The following SMAP2 variants were observed in gnomAD, a reference collection of about 807,000 sequenced individuals.
SMAP2 encodes small ArfGAP2, also known as stromal membrane-associated protein 2.
SMAP2 carries 25 observed loss-of-function variants against 56.4 expected under a neutral mutation model. That is an observed-to-expected ratio of 0.44 (90% CI 0.32 to 0.62). The LOEUF is 0.62. Among genes scored for constraint, SMAP2 ranks in the 20% least tolerant of loss-of-function variants. The probability of loss-of-function intolerance (pLI) is 0.04; values close to 1 mark genes in which losing one functional copy is unlikely to be tolerated. For synonymous variants in SMAP2, 157 were observed against 181.7 expected (o/e 0.86, Z 1.09); for missense variants, 388 against 545.6 (o/e 0.71, Z 2.88).
chr1:40,408,620 C>A lies in SMAP2; in HGVS notation c.238-33C>A. 1 of 1,574,756 alleles carries A rather than the reference C, an allele frequency of 6.4e-7. No individual in the cohort carries two copies. The highest frequency in any genetic ancestry group is 2.2e-5 in the East Asian group (1 of 44,654). On this transcript the variant is annotated intron_variant, in intron 2 of 9. Transcript: ENST00000372718. The surrounding 1 kb of genome is among the most constrained non-coding windows in gnomAD (Gnocchi z 4.3). The stretch of plus-strand genomic sequence containing the variant: ...GTTTTTCAGTTCTTTCTTGATCTGA[C>A]GTTCCATGTTTCTACATTCTCTTTG...
At chr1:40,362,058 C>T (rs1453332388) in intron 1 of SMAP2, among the ~76,000 whole-genome samples, 1 of 152,070 alleles carries the variant, frequency 6.6e-6, no homozygotes, top group African/African-American at 2.4e-5. Context: ...TGGCTGTTGC[C>T]CTCAAAGCCT....
Position 40,406,843 on chromosome 1 carries a change from G to T in SMAP2, c.211G>T (p.Asp71Tyr). ...HISRVKSVNL[D>Y]QWTQEQIQCM... ...ATCCAGGGTAAAGTCAGTTAACCTC[G>T]ACCAGTGGACTCAAGAACAGATTCA... Residue 71 changes from aspartate to tyrosine, a missense_variant, in exon 2 of 10, where the codon GAC becomes TAC. Coordinates refer to ENST00000372718, the MANE Select transcript of SMAP2 (RefSeq NM_022733.3). The T allele has an allele frequency of 6.2e-7, 1 of 1,613,898 alleles. No homozygotes were observed. Among genetic ancestry groups the T allele is most frequent in the South Asian group, 1.1e-5 (1 of 91,064 alleles).
chr1:40,360,794 G>A, intron 1 of SMAP2, among the ~76,000 whole-genome samples: 1 of 152,208 alleles, frequency 6.6e-6, no homozygotes, highest in Non-Finnish European at 1.5e-5. Flanking sequence ...TCCACAGGGA[G>A]CATTTAGATC....
chr1:40,351,272 G>A (rs566280930), intron 1 of SMAP2, among the ~76,000 whole-genome samples: 2 of 152,228 alleles, frequency 1.3e-5, no homozygotes, highest in African/African-American at 4.8e-5. Flanking sequence ...TGACAAGGAG[G>A]GGAAAAGGAG....
chr1:40,405,143 A>G (rs1022158738), intron 1 of SMAP2, among the ~76,000 whole-genome samples: 1 of 152,190 alleles, frequency 6.6e-6, no homozygotes. Flanking sequence ...AATTTCTAAA[A>G]CTAATTTTCT....
chr1:40,377,861 G>C (rs899956945), intron 1 of SMAP2, among the ~76,000 whole-genome samples: 1 of 152,120 alleles, frequency 6.6e-6, no homozygotes, highest in African/African-American at 2.4e-5. Context: ...GTATCCAGGG[G>C]GGATTGGTTC....
chr1:40,348,471 G>A (rs956295897), intron 1 of SMAP2, among the ~76,000 whole-genome samples: 1 of 152,042 alleles, frequency 6.6e-6, no homozygotes, highest in African/African-American at 2.4e-5. Context: ...GAGGTGGGTG[G>A]ATCACCTGAG....
rs1644519010 is a variant in SMAP2 at position 40,374,189 on chromosome 1, G to A, written c.69G>A (p.Glu23=). The part of the protein sequence containing the change: ...QAVLANLLLE[E]DNKFCADCQS... ...TCCTGGCCAACCTGCTGCTGGAGGA[G>A]GATAACAAGTTTTGTGCAGATTGCC... Residue 23 remains glutamate (E), a synonymous_variant, in exon 1 of 10, where the codon GAG becomes GAA. Transcript: ENST00000372718. This position sits in a 1 kb window ranked among gnomAD's most constrained non-coding sequence, Gnocchi z 5.9. 2 of 1,613,536 alleles carry A rather than the reference G, an allele frequency of 1.2e-6. No individual in the cohort carries two copies. Among genetic ancestry groups the A allele is most frequent in the African/African-American group, 1.3e-5 (1 of 74,938 alleles).
intron 1 of SMAP2, among the ~76,000 whole-genome samples, chr1:40,401,814 C>CGT (rs1644837191): frequency 6.6e-6 from 1 of 152,226 alleles, no homozygotes; most frequent in South Asian, 2.1e-4. Flanking sequence ...GCAACAGGTC[C>CGT]GTGTAAACCC....
intron 1 of SMAP2, among the ~76,000 whole-genome samples, chr1:40,353,214 G>A (rs1288975351): frequency 6.6e-6 from 1 of 152,196 alleles, no homozygotes; most frequent in Non-Finnish European, 1.5e-5. Context: ...CCTGATAAAA[G>A]AAACAGCTAA....
chr1:40,353,762 T>G (rs541884853), intron 1 of SMAP2, among the ~76,000 whole-genome samples: 1 of 148,272 alleles, frequency 6.7e-6, no homozygotes, highest in South Asian at 2.1e-4. Flanking sequence ...TCTTTCTTTC[T>G]TTTTTTTTTA....
At chr1:40,405,961 C>T (rs1437000762) in intron 1 of SMAP2, among the ~76,000 whole-genome samples, 1 of 152,150 alleles carries the variant, frequency 6.6e-6, no homozygotes, top group Non-Finnish European at 1.5e-5. Context: ...AAAGTAGGAA[C>T]ATCAGCCTAA....
chr1:40,392,563 G>A (rs751701034), intron 1 of SMAP2, among the ~76,000 whole-genome samples: 1 of 152,110 alleles, frequency 6.6e-6, no homozygotes, highest in Non-Finnish European at 1.5e-5. Flanking sequence ...ATTCAGAGAA[G>A]CCATGTCTCA....
At chr1:40,415,614 T>G (rs1644979558) in intron 7 of SMAP2, among the ~76,000 whole-genome samples, 1 of 152,154 alleles carries the variant, frequency 6.6e-6, no homozygotes, top group African/African-American at 2.4e-5. Flanking sequence ...CTGGAAAGTG[T>G]GTGATACTGT....
intron 1 of SMAP2, chr1:40,393,375 C>G (rs1644735732): frequency 6.5e-7 from 1 of 1,535,186 alleles, no homozygotes; most frequent in Non-Finnish European, 8.7e-7. Context: ...GGAGAGGCAG[C>G]AGAGCGCCGT....
At chr1:40,373,605 A>G (rs1644512708), upstream of SMAP2, 1 of 152,438 alleles carries the variant, frequency 6.6e-6, no homozygotes, top group Non-Finnish European at 1.5e-5. Flanking sequence ...CCGCTTCTCC[A>G]CGGATTGGTT....
rs1262382081 is a variant in SMAP2 at position 40,408,440 on chromosome 1, G to C, written c.238-213G>C. On this transcript the variant is annotated intron_variant, in intron 2 of 9. Transcript: ENST00000372718. The surrounding 1 kb of genome is among the most constrained non-coding windows in gnomAD (Gnocchi z 4.3). Reference sequence around the variant, plus strand: ...AATATTTCAGTAAAAGGAACCTATGGAGTGGGGGAAAGACAGCTTGGGGCA... The same window carrying C: ...AATATTTCAGTAAAAGGAACCTATGCAGTGGGGGAAAGACAGCTTGGGGCA... Among the ~76,000 whole-genome samples, 1 of 152,170 alleles carries C rather than the reference G, an allele frequency of 6.6e-6. No homozygotes were observed. Among genetic ancestry groups the C allele is most frequent in the African/African-American group, 2.4e-5 (1 of 41,434 alleles).
At chr1:40,401,229 C>G (rs1287558235) in intron 1 of SMAP2, among the ~76,000 whole-genome samples, 4 of 152,220 alleles carry the variant, frequency 2.6e-5, no homozygotes, top group Non-Finnish European at 5.9e-5. Flanking sequence ...CGCCACTGCA[C>G]TCCAGCCTGG....
chr1:40,394,689 C>G (rs1276729410), intron 1 of SMAP2, among the ~76,000 whole-genome samples: 61 of 152,102 alleles, frequency 4.0e-4, no homozygotes, highest in Non-Finnish European at 1.2e-4. Context: ...CAGACACTAC[C>G]ACCAAGAGCA....
Sources: allele counts gnomAD v4.1 joint callset (sites outside exome capture counted in the v4.1 genomes callset), GRCh38; gene constraint gnomAD v4.1.1; non-coding constraint Gnocchi (gnomAD v3.1); transcripts MANE v1.5; gene names NCBI Gene and HGNC (gene_info 2026-07-23, HGNC 2026-07-21).